The following PAIP2 variants were observed in gnomAD, a reference collection of about 807,000 sequenced individuals.
PAIP2 encodes poly(A) binding protein interacting protein 2, also known as polyadenylate-binding protein-interacting protein 2.
Under a neutral mutation model 14.8 loss-of-function variants are expected in PAIP2, and 7 were observed. The ratio of observed to expected loss-of-function variants is 0.47; its 90% CI spans 0.27 to 0.89. The LOEUF is 0.89. Ranked by LOEUF, PAIP2 falls within the 40% of genes least tolerant of loss-of-function variation. The pLI, the probability that PAIP2 is intolerant of heterozygous loss-of-function variation, is 0.13. For missense variants in PAIP2, 122 were observed against 154.7 expected, an observed-to-expected ratio of 0.79 and a Z score of 1.12; for synonymous variants, 47 against 45.3, an observed-to-expected ratio of 1.04 and a Z score of -0.15.
At chr5:139,368,693 T>G (rs1220243299) in intron 3 of PAIP2, 40 bp from the exon 4 acceptor site, 1 of 1,370,180 alleles carries the variant, frequency 7.3e-7, no homozygotes, top group African/African-American at 1.4e-5. Context: ...TACCTGAAAC[T>G]GTGTTAATGA....
intron 1 of PAIP2, among the ~76,000 whole-genome samples, chr5:139,356,685 ACCAGCCTAGCCAACATGGT>A: frequency 6.6e-6 from 1 of 151,854 alleles, no homozygotes; most frequent in African/African-American, 2.4e-5. Flanking sequence ...GGAGTTCGAG[ACCAGCCTAGCCAACATGGT>A]GAAACCCCGT....
intron 1 of PAIP2, among the ~76,000 whole-genome samples, chr5:139,355,059 C>T (rs1183475066): frequency 6.6e-6 from 1 of 151,504 alleles, no homozygotes; most frequent in Non-Finnish European, 1.5e-5. Context: ...ACCTCGTGAT[C>T]CTCCTGCCCC....
At chr5:139,365,574 G>T (rs1032559120) in intron 3 of PAIP2, among the ~76,000 whole-genome samples, 30 of 151,980 alleles carry the variant, frequency 2.0e-4, no homozygotes, top group Admixed American at 1.6e-3. Flanking sequence ...GCTGAGGCAG[G>T]AGAATCGCTT....
Position 139,368,862 on chromosome 5 carries a change from G to T in PAIP2, c.*64G>T. On this transcript the variant is annotated 3_prime_UTR_variant, in exon 4 of 4. Coordinates refer to ENST00000265192, the MANE Select transcript of PAIP2 (RefSeq NM_016480.5). ...CCACACTGTGAAGGCAGTATTAGAA[G>T]ACTTAATTGTAAAAGCTCTCTTGTC... The T allele has an allele frequency of 8.3e-7, 1 of 1,197,940 alleles. No individual in the cohort carries two copies. The highest frequency in any genetic ancestry group is 1.2e-6 in the Non-Finnish European group (1 of 811,848). The allele number at this position is 1,197,940 out of a possible 1,614,324, so 74.2% of individuals were successfully genotyped here.
At chr5:139,343,958 C>T (rs1359578504) in intron 1 of PAIP2, among the ~76,000 whole-genome samples, 1 of 152,002 alleles carries the variant, frequency 6.6e-6, no homozygotes, top group African/African-American at 2.4e-5. Context: ...CTTTGTGATC[C>T]GCCCCCGTCG....
intron 1 of PAIP2, among the ~76,000 whole-genome samples, chr5:139,348,397 C>T (rs1203334916): frequency 6.6e-6 from 1 of 151,304 alleles, no homozygotes; most frequent in East Asian, 2.0e-4. Flanking sequence ...CTCTGTCGCC[C>T]AAGTTGGAGT....
At chr5:139,345,827 C>A (rs1186550027) in intron 1 of PAIP2, among the ~76,000 whole-genome samples, 4 of 151,964 alleles carry the variant, frequency 2.6e-5, no homozygotes, top group Non-Finnish European at 5.9e-5. Flanking sequence ...TGGGGTTTCA[C>A]CGTGTTAGCC....
chr5:139,346,427 C>T (rs966533028), intron 1 of PAIP2, among the ~76,000 whole-genome samples: 6 of 151,692 alleles, frequency 4.0e-5, no homozygotes, highest in Middle Eastern at 3.4e-3. Flanking sequence ...TTTTTAGAGA[C>T]GGGGTTTCAC....
chr5:139,346,924 C>G (rs1024336968), intron 1 of PAIP2, among the ~76,000 whole-genome samples: 1 of 152,192 alleles, frequency 6.6e-6, no homozygotes, highest in Non-Finnish European at 1.5e-5. Context: ...GTGCTCCTGC[C>G]TCAGGCTCCC....
intron 1 of PAIP2, among the ~76,000 whole-genome samples, chr5:139,361,953 AAAG>A (rs1349167293): frequency 6.6e-6 from 1 of 150,674 alleles, no homozygotes. Flanking sequence ...AAAAAAAAAA[AAAG>A]ATGCCTGAAA....
At chr5:139,354,459 A>T (rs538207588) in intron 1 of PAIP2, among the ~76,000 whole-genome samples, 2 of 152,226 alleles carry the variant, frequency 1.3e-5, no homozygotes, top group African/African-American at 4.8e-5. Flanking sequence ...TTGTCTTTCA[A>T]CAATTCGATT....
chr5:139,348,177 A>G (rs1040734370), intron 1 of PAIP2, among the ~76,000 whole-genome samples: 5 of 149,956 alleles, frequency 3.3e-5, no homozygotes, highest in Non-Finnish European at 7.4e-5. Context: ...ACGAGTGATG[A>G]ATTTATTTAT....
At chr5:139,352,070 A>C (rs566775023) in intron 1 of PAIP2, among the ~76,000 whole-genome samples, 1 of 152,088 alleles carries the variant, frequency 6.6e-6, no homozygotes, top group East Asian at 1.9e-4. Flanking sequence ...TGATATCTGA[A>C]CTGTTCCAAA....
At chr5:139,365,323 T>TAA (rs1757189067) in intron 3 of PAIP2, among the ~76,000 whole-genome samples, 1 of 151,690 alleles carries the variant, frequency 6.6e-6, no homozygotes, top group South Asian at 2.1e-4. Context: ...CCATCTGTAC[T>TAA]AAAATTACAA....
At chr5:139,343,917 C>T (rs550485792) in intron 1 of PAIP2, among the ~76,000 whole-genome samples, 2 of 152,088 alleles carry the variant, frequency 1.3e-5, no homozygotes, top group East Asian at 3.9e-4. Flanking sequence ...AGGGTTTCAC[C>T]GTGTTAGCCA....
rs555871553 is a variant in PAIP2, at chr5:139,368,950, G to C, written c.*152G>C. ...GTCTTGCATGCTTAATAAAAGTGCT[G>C]AGACTGTTACTAAGTAAAAAGCTGT... On this transcript the variant is annotated 3_prime_UTR_variant, in exon 4 of 4. Coordinates refer to ENST00000265192, the MANE Select transcript of PAIP2 (RefSeq NM_016480.5). The C allele has an allele frequency of 1.8e-6, 1 of 569,930 alleles. No individual in the cohort carries two copies. The highest frequency in any genetic ancestry group is 2.4e-5 in the South Asian group (1 of 41,784). 35.3% of individuals were successfully genotyped at this position (569,930 alleles called of 1,614,324 possible).
At chr5:139,363,444 G>A (rs1302270854) in intron 1 of PAIP2, among the ~76,000 whole-genome samples, 1 of 152,112 alleles carries the variant, frequency 6.6e-6, no homozygotes, top group Non-Finnish European at 1.5e-5. Flanking sequence ...GAATCAGCTG[G>A]GCCTGGTGGC....
intron 1 of PAIP2, among the ~76,000 whole-genome samples, chr5:139,355,895 A>C (rs564959449): frequency 4.9e-4 from 74 of 149,732 alleles, no homozygotes; most frequent in Non-Finnish European, 9.3e-4. Context: ...TCACGCCTGT[A>C]ATCCTAGCAC....
At chr5:139,352,977 G>A (rs976190708) in intron 1 of PAIP2, among the ~76,000 whole-genome samples, 6 of 151,892 alleles carry the variant, frequency 4.0e-5, no homozygotes, top group African/African-American at 1.5e-4. Context: ...TTAGCCGGGC[G>A]TGGTGGAGCA....
Sources: allele counts gnomAD v4.1 joint callset (sites outside exome capture counted in the v4.1 genomes callset), GRCh38; gene constraint gnomAD v4.1.1; transcripts MANE v1.5; gene names NCBI Gene and HGNC (gene_info 2026-07-23, HGNC 2026-07-21).